Variants in PPP1R42 observed in about 807,000 individuals in gnomAD.
PPP1R42 encodes the protein leucine rich repeat containing 67.
In PPP1R42, 34 loss-of-function variants were observed where a neutral mutation model predicts 31.0. That is an observed-to-expected ratio of 1.10 (90% CI 0.83 to 1.46). The LOEUF (loss-of-function observed/expected upper bound fraction) is 1.46. Ranked by LOEUF, PPP1R42 falls within the 40% of genes most tolerant of loss-of-function variation. The pLI, the probability that PPP1R42 is intolerant of heterozygous loss-of-function variation, is 0.00. For synonymous variants in PPP1R42, 103 were observed against 109.8 expected (o/e 0.94, Z 0.39); for missense variants, 268 against 303.0 (o/e 0.88, Z 0.86).
At chr8:66,988,194 G>A in intron 6 of PPP1R42, 1 of 1,197,070 alleles carries the variant, frequency 8.4e-7, no homozygotes, top group Non-Finnish European at 1.0e-6. Context: ...AGTATCAGGT[G>A]CTTTAATTAC....
intron 5 of PPP1R42, among the ~76,000 whole-genome samples, chr8:66,990,773 T>C (rs746425077): frequency 1.3e-5 from 2 of 152,210 alleles, no homozygotes; most frequent in Non-Finnish European, 2.9e-5. Context: ...AAGACAGCCA[T>C]TTGTCATCCT....
rs763384729 is a variant in PPP1R42, at chr8:67,014,563, A to G, written c.159T>C (p.Ser53=). 1 of 1,538,624 alleles carries G rather than the reference A, an allele frequency of 6.5e-7. No individual in the cohort carries two copies. The highest frequency in any genetic ancestry group is 1.2e-5 in the South Asian group (1 of 80,792). ...IEDLSLCKNL[S]VLYLYDNCIS... is the part of the protein sequence containing the mutation. ...TACAATTATCATATAAATATAAAAC[A>G]CTAAGATTTTTGCAAAGAGAGAGGT... Residue 53 remains serine, a synonymous_variant, in exon 3 of 8, where the codon AGT becomes AGC. Transcript: ENST00000685739.
intron 1 of PPP1R42, chr8:67,021,095 C>A (rs1312240947): frequency 6.6e-6 from 1 of 152,014 alleles, no homozygotes; most frequent in Non-Finnish European, 1.5e-5. Context: ...CAAATGTAAC[C>A]AAAAACACAG....
intron 6 of PPP1R42, chr8:66,984,912 C>T (rs1423846186): frequency 2.0e-6 from 3 of 1,538,394 alleles, no homozygotes; most frequent in Admixed American, 1.7e-5. Flanking sequence ...TGGTAAGATA[C>T]ACTCCCAAAG....
At chr8:66,970,951 A>G in intron 7 of PPP1R42, 2 of 1,460,580 alleles carry the variant, frequency 1.4e-6, no homozygotes, top group South Asian at 1.2e-5. Flanking sequence ...CCAAAAAGAT[A>G]AAGTCACATA....
At chr8:67,004,538 T>C (rs1294378199) in intron 5 of PPP1R42, among the ~76,000 whole-genome samples, 2 of 152,346 alleles carry the variant, frequency 1.3e-5, no homozygotes, top group East Asian at 1.9e-4. Context: ...ATTTAAACTT[T>C]ATATTGAATA....
At chr8:66,994,390 T>C in intron 5 of PPP1R42, among the ~76,000 whole-genome samples, 1 of 152,202 alleles carries the variant, frequency 6.6e-6, no homozygotes, top group Non-Finnish European at 1.5e-5. Context: ...TCCACAGAGC[T>C]CAAGAATTTC....
intron 7 of PPP1R42, among the ~76,000 whole-genome samples, chr8:66,979,415 A>G (rs927187392): frequency 3.9e-5 from 6 of 152,182 alleles, no homozygotes; most frequent in Non-Finnish European, 8.8e-5. Context: ...CACGCCTGTC[A>G]TCTCAGCTAC....
chr8:66,998,668 T>C (rs529032771), intron 5 of PPP1R42, among the ~76,000 whole-genome samples: 1 of 152,356 alleles, frequency 6.6e-6, no homozygotes, highest in South Asian at 2.1e-4. Context: ...TCATTAAGTA[T>C]GTTGTTATGT....
chr8:66,971,208 A>G, intron 7 of PPP1R42: 1 of 1,162,706 alleles, frequency 8.6e-7, no homozygotes, highest in South Asian at 1.9e-5. Context: ...AAAAGGGTAT[A>G]ACAATATTAG....
intron 7 of PPP1R42, among the ~76,000 whole-genome samples, chr8:66,977,483 G>A (rs890567706): frequency 1.3e-5 from 2 of 151,902 alleles, no homozygotes; most frequent in African/African-American, 2.4e-5. Context: ...GACTACAGGT[G>A]TGTACTACCA....
At chr8:66,998,005 C>G (rs1815382451) in intron 5 of PPP1R42, among the ~76,000 whole-genome samples, 1 of 152,082 alleles carries the variant, frequency 6.6e-6, no homozygotes, top group Admixed American at 6.6e-5. Context: ...AATACAGAGC[C>G]TTCAACCATG....
intron 6 of PPP1R42, among the ~76,000 whole-genome samples, chr8:66,987,451 CT>C (rs1815058252): frequency 6.6e-6 from 1 of 152,016 alleles, no homozygotes; most frequent in Admixed American, 6.6e-5. Flanking sequence ...ACTGCCACCC[CT>C]GGCTATTCTT....
At chr8:67,004,255 A>G (rs1488042233) in intron 5 of PPP1R42, among the ~76,000 whole-genome samples, 1 of 152,250 alleles carries the variant, frequency 6.6e-6, no homozygotes, top group Non-Finnish European at 1.5e-5. Context: ...TCTTGGAAGC[A>G]GAGAGCAGCC....
At chr8:66,986,553 C>G (rs1383274051) in intron 6 of PPP1R42, among the ~76,000 whole-genome samples, 1 of 152,194 alleles carries the variant, frequency 6.6e-6, no homozygotes, top group Non-Finnish European at 1.5e-5. Flanking sequence ...ATTCGTGCAG[C>G]CATGTTTGCC....
chr8:67,002,267 T>C (rs1378926197), intron 5 of PPP1R42, among the ~76,000 whole-genome samples: 1 of 152,226 alleles, frequency 6.6e-6, no homozygotes, highest in Non-Finnish European at 1.5e-5. Flanking sequence ...TGGCACGATC[T>C]CGGCTCACTG....
chr8:67,004,727 C>A (rs1184885570), intron 5 of PPP1R42, among the ~76,000 whole-genome samples: 1 of 151,894 alleles, frequency 6.6e-6, no homozygotes, highest in Admixed American at 6.6e-5. Context: ...CTTCGGAATT[C>A]TTTCTTTTTG....
At chr8:67,011,878 A>C (rs1233189530) in intron 4 of PPP1R42, among the ~76,000 whole-genome samples, 1 of 152,184 alleles carries the variant, frequency 6.6e-6, no homozygotes, top group Admixed American at 6.5e-5. Context: ...TTTAGAAAAA[A>C]TATTTCCTGA....
chr8:66,983,257 TTATTAA>T (rs1166738273), intron 6 of PPP1R42, among the ~76,000 whole-genome samples: 4 of 152,304 alleles, frequency 2.6e-5, no homozygotes, highest in South Asian at 4.1e-4. Flanking sequence ...TGCATCCTGC[TTATTAA>T]TATTGTGTTG....
Sources: allele counts gnomAD v4.1 joint callset (sites outside exome capture counted in the v4.1 genomes callset), GRCh38; gene constraint gnomAD v4.1.1; transcripts MANE v1.5; gene names NCBI Gene and HGNC (gene_info 2026-07-23, HGNC 2026-07-21).